PLXDC2: variants seen among roughly 807,000 people sequenced by gnomAD.
PLXDC2 encodes plexin domain-containing protein 2.
Under a neutral mutation model 68.9 loss-of-function variants are expected in PLXDC2, and 40 were observed. That is an observed-to-expected ratio of 0.58 (90% CI 0.45 to 0.76). PLXDC2 has a LOEUF of 0.76. Ranked by LOEUF, PLXDC2 falls within the 30% of genes least tolerant of loss-of-function variation. The pLI is 0.00. For missense variants in PLXDC2, 644 were observed against 661.9 expected, an observed-to-expected ratio of 0.97 and a Z score of 0.30; for synonymous variants, 243 against 234.2, an observed-to-expected ratio of 1.04 and a Z score of -0.34.
chr10:20,191,237 A>G (rs1236502015), intron 9 of PLXDC2, among the ~76,000 whole-genome samples: 1 of 151,944 alleles, frequency 6.6e-6, no homozygotes, highest in African/African-American at 2.4e-5. Flanking sequence ...CTGGGATATT[A>G]TAGAAAGCAA....
At chr10:19,829,154 C>CTTTTTTTTTTTT (rs71388870) in intron 1 of PLXDC2, among the ~76,000 whole-genome samples, 4 of 94,418 alleles carry the variant, frequency 4.2e-5, no homozygotes, top group Non-Finnish European at 5.9e-5. Context: ...ACGCTTTCCT[C>CTTTTTTTTTTTT]TTTTTTTTTT....
intron 1 of PLXDC2, among the ~76,000 whole-genome samples, chr10:19,897,217 A>G (rs1216891996): frequency 6.8e-6 from 1 of 147,078 alleles, no homozygotes; most frequent in Non-Finnish European, 1.5e-5. Flanking sequence ...CTCTTCCATG[A>G]TTCCCTTCTC....
chr10:19,922,552 G>A (rs1340221152), intron 1 of PLXDC2, among the ~76,000 whole-genome samples: 1 of 152,084 alleles, frequency 6.6e-6, no homozygotes, highest in African/African-American at 2.4e-5. Flanking sequence ...GGGTTTGTTG[G>A]AGGCTTCATT....
chr10:19,898,387 G>T (rs1251802345), intron 1 of PLXDC2, among the ~76,000 whole-genome samples: 2 of 152,138 alleles, frequency 1.3e-5, no homozygotes, highest in Non-Finnish European at 2.9e-5. Context: ...TTCTCGCGCT[G>T]CACTTACGAA....
chr10:20,106,606 C>T (rs1001297454), intron 4 of PLXDC2, among the ~76,000 whole-genome samples: 4 of 152,056 alleles, frequency 2.6e-5, no homozygotes, highest in African/African-American at 9.7e-5. Flanking sequence ...TGTCATAGGA[C>T]CTTTCAGTCT....
intron 1 of PLXDC2, among the ~76,000 whole-genome samples, chr10:19,883,142 T>G (rs1837764938): frequency 6.6e-6 from 1 of 151,938 alleles, no homozygotes; most frequent in Non-Finnish European, 1.5e-5. Context: ...TTTTGTATTT[T>G]TAGTAGAGAT....
Position 19,933,860 on chromosome 10 carries a change from A to G in PLXDC2, c.113-67915A>G, listed in dbSNP as rs1458509682. 1.7e-4 allele frequency among the ~76,000 whole-genome samples: 18 copies of G among 103,350 alleles called. No individual in the cohort carries two copies. The East Asian group carries it at 5.9e-3, about 34-fold the overall frequency. The allele number at this position is 103,350 out of a possible 152,430, so 67.8% of individuals were successfully genotyped here. Reference sequence around the variant, plus strand: ...AAGGAGGGGAGGAAGGAAGGAAGGAAAGGGAGGGTGGGAGGGAGGGAAAAA... The same window carrying G: ...AAGGAGGGGAGGAAGGAAGGAAGGAGAGGGAGGGTGGGAGGGAGGGAAAAA... On this transcript the variant is annotated intron_variant, in intron 1 of 13. Coordinates refer to ENST00000377252, the MANE Select transcript of PLXDC2 (RefSeq NM_032812.9).
intron 9 of PLXDC2, among the ~76,000 whole-genome samples, chr10:20,178,563 G>A (rs1440145787): frequency 1.3e-5 from 2 of 152,028 alleles, no homozygotes; most frequent in Non-Finnish European, 2.9e-5. Context: ...GTTAATCCGT[G>A]TATGTTACAC....
chr10:20,227,343 G>A (rs774806134), intron 12 of PLXDC2, among the ~76,000 whole-genome samples: 18 of 151,906 alleles, frequency 1.2e-4, no homozygotes, highest in Non-Finnish European at 2.4e-4. Flanking sequence ...ACAGAGAAGG[G>A]GTATCTAAAC....
rs74994542 is a variant in PLXDC2, at chr10:19,960,915, G to A, written c.113-40860G>A. Among the ~76,000 whole-genome samples the A allele has an allele frequency of 9.4e-3, 1,437 of 152,316 alleles. 9 individuals are homozygous for A. The highest frequency in any genetic ancestry group is 0.018 in the Admixed American group (283 of 15,302). ...AAACTAAGAATATAAAATCAATGGA[G>A]GCTTAAGTGTAGCAGTTGTTTTAGC... On this transcript the variant is annotated intron_variant, in intron 1 of 13. Transcript: ENST00000377252.
chr10:20,285,009 A>G lies in PLXDC2; in HGVS notation c.*5190A>G, dbSNP rs1836133641. ...ATCTGTGGCCATCTAAGTTAGCAATACAATTTATTTTGGCCATTTAAAATT... is the reference window on the plus strand; with the variant it reads ...ATCTGTGGCCATCTAAGTTAGCAATGCAATTTATTTTGGCCATTTAAAATT... On this transcript the variant is annotated 3_prime_UTR_variant, in exon 14 of 14. Coordinates refer to ENST00000377252, the MANE Select transcript of PLXDC2 (RefSeq NM_032812.9). 6.6e-6 allele frequency: 1 copy of G among 152,210 alleles called. No individual in the cohort carries two copies. The highest frequency in any genetic ancestry group is 2.1e-4 in the South Asian group (1 of 4,826). The allele number at this position is 152,210 out of a possible 1,614,324, so 9.4% of individuals were successfully genotyped here. A position where few individuals can be genotyped will look rare whatever the true frequency, so the allele number is the denominator to read the frequency against.
intron 1 of PLXDC2, among the ~76,000 whole-genome samples, chr10:19,850,740 T>C (rs1428315172): frequency 2.0e-5 from 3 of 152,182 alleles, no homozygotes; most frequent in Admixed American, 6.6e-5. Flanking sequence ...TGAATTTTAA[T>C]GCATTTCCAA....
chr10:19,825,092 G>A (rs540236585), intron 1 of PLXDC2, among the ~76,000 whole-genome samples: 1 of 152,244 alleles, frequency 6.6e-6, no homozygotes, highest in East Asian at 1.9e-4. Context: ...TCTGCTTGAG[G>A]CCTTATCATA....
rs553538731 is a variant in PLXDC2 at position 20,199,045 on chromosome 10, C to A, written c.1062-12624C>A. Among the ~76,000 whole-genome samples the A allele has an allele frequency of 3.1e-3, 471 of 151,930 alleles. 2 individuals carry two copies. The highest frequency in any genetic ancestry group is 4.1e-3 in the Non-Finnish European group (280 of 67,874). On this transcript the variant is annotated intron_variant, in intron 9 of 13. Transcript: ENST00000377252. ...ATTTATTCTGTATAGAATTTTAAAACCTCAATAGTTAAAAATCCAGTCAAT... is the reference window on the plus strand; with the variant it reads ...ATTTATTCTGTATAGAATTTTAAAAACTCAATAGTTAAAAATCCAGTCAAT...
chr10:19,888,394 G>A (rs1564620076), intron 1 of PLXDC2, among the ~76,000 whole-genome samples: 2 of 152,126 alleles, frequency 1.3e-5, no homozygotes, highest in African/African-American at 2.4e-5. Flanking sequence ...AGACTCTTTG[G>A]CAACCATTTC....
chr10:19,849,679 C>T (rs1035650996), intron 1 of PLXDC2, among the ~76,000 whole-genome samples: 1 of 152,122 alleles, frequency 6.6e-6, no homozygotes, highest in East Asian at 1.9e-4. Flanking sequence ...CCTAACCCTG[C>T]ACAACCATGA....
At chr10:20,021,081 A>G (rs1835299528) in intron 2 of PLXDC2, among the ~76,000 whole-genome samples, 1 of 152,244 alleles carries the variant, frequency 6.6e-6, no homozygotes, top group Non-Finnish European at 1.5e-5. Flanking sequence ...AGTTAAGCAT[A>G]GTTAAAAAGA....
At chr10:20,144,153 T>G (rs1469380525) in intron 5 of PLXDC2, among the ~76,000 whole-genome samples, 3 of 152,160 alleles carry the variant, frequency 2.0e-5, no homozygotes, top group Non-Finnish European at 4.4e-5. Context: ...AGAGTTTATA[T>G]TGCAATGATT....
chr10:20,259,779 G>A lies in PLXDC2; in HGVS notation c.1473+14274G>A, dbSNP rs552682159. ...AGTTGCAGGTGAGTACAGGGGACCTGTGTAAGAATTTCTGAAGGGGCTGGA... is the reference window on the plus strand; with the variant it reads ...AGTTGCAGGTGAGTACAGGGGACCTATGTAAGAATTTCTGAAGGGGCTGGA... On this transcript the variant is annotated intron_variant, in intron 13 of 13. Coordinates refer to ENST00000377252, the MANE Select transcript of PLXDC2 (RefSeq NM_032812.9). Among the ~76,000 whole-genome samples, 4 of 152,332 alleles carry A rather than the reference G, an allele frequency of 2.6e-5. No individual in the cohort carries two copies. In the East Asian group the frequency reaches 7.7e-4, roughly 29 times the overall value.
Sources: allele counts gnomAD v4.1 joint callset (sites outside exome capture counted in the v4.1 genomes callset), GRCh38; gene constraint gnomAD v4.1.1; transcripts MANE v1.5; gene names NCBI Gene and HGNC (gene_info 2026-07-23, HGNC 2026-07-21).